The following MALRD1 variants were observed in gnomAD, a reference collection of about 807,000 sequenced individuals.
MALRD1 encodes the protein MAM and LDL-receptor class A domain-containing protein 1.
In MALRD1, 247 loss-of-function variants were observed where a neutral mutation model predicts 242.1. The ratio of observed to expected loss-of-function variants is 1.02; its 90% CI spans 0.92 to 1.13. MALRD1 has a LOEUF of 1.13. MALRD1 is among the 50% of genes most tolerant of loss of function. The probability of loss-of-function intolerance (pLI) is 0.00; values close to 1 mark genes in which losing one functional copy is unlikely to be tolerated. For synonymous variants in MALRD1, 995 were observed against 866.6 expected (o/e 1.15, Z -2.60); for missense variants, 2,989 against 2,533.1 (o/e 1.18, Z -3.86).
chr10:19,069,451 A>G (rs1489207570), intron 2 of MALRD1, among the ~76,000 whole-genome samples: 1 of 151,970 alleles, frequency 6.6e-6, no homozygotes, highest in Non-Finnish European at 1.5e-5. Flanking sequence ...ATTTAAAAGA[A>G]GATATTCTTT....
intron 36 of MALRD1, among the ~76,000 whole-genome samples, chr10:19,690,357 T>C (rs924318777): frequency 2.0e-5 from 3 of 152,076 alleles, no homozygotes; most frequent in African/African-American, 7.2e-5. Flanking sequence ...TAGTAGTATA[T>C]ATTTCCATAG....
At chr10:19,529,970 C>G (rs1392634876) in intron 31 of MALRD1, among the ~76,000 whole-genome samples, 1 of 151,956 alleles carries the variant, frequency 6.6e-6, no homozygotes, top group East Asian at 1.9e-4. Context: ...TTGTAGACAT[C>G]AGTTCTTCCC....
At chr10:19,545,685 C>A (rs1474926044) in intron 32 of MALRD1, among the ~76,000 whole-genome samples, 1 of 152,064 alleles carries the variant, frequency 6.6e-6, no homozygotes, top group Non-Finnish European at 1.5e-5. Context: ...CATTCGTCAC[C>A]TTAGGGAGAT....
At position 19,583,641 on chromosome 10, in the gene MALRD1, G is replaced by C. The variant is rs1035471824; in HGVS notation, c.5681-11553G>C. Among the ~76,000 whole-genome samples the C allele has an allele frequency of 2.4e-3, 359 of 152,204 alleles. 2 individuals carry two copies. The highest frequency in any genetic ancestry group is 7.0e-3 in the African/African-American group (292 of 41,512). On this transcript the variant is annotated intron_variant, in intron 33 of 39. Coordinates refer to ENST00000454679, the MANE Select transcript of MALRD1 (RefSeq NM_001142308.3). ...TTCGGTTTGCCAGTATTTTATTGAG[G>C]ATTTTTGCATCAATGTTCATCAAGG...
At chr10:19,294,173 A>G (rs939305735) in intron 21 of MALRD1, among the ~76,000 whole-genome samples, 3 of 152,230 alleles carry the variant, frequency 2.0e-5, no homozygotes, top group African/African-American at 7.2e-5. Flanking sequence ...ATTCATTTTC[A>G]TTATATAATC....
chr10:19,177,945 TCA>T (rs936466008), intron 14 of MALRD1, among the ~76,000 whole-genome samples: 2 of 152,170 alleles, frequency 1.3e-5, no homozygotes, highest in Admixed American at 6.5e-5. Flanking sequence ...TGACCAGCGC[TCA>T]CAAAGAAAGG....
chr10:19,284,669 G>A (rs1351175109), intron 21 of MALRD1, among the ~76,000 whole-genome samples: 1 of 135,312 alleles, frequency 7.4e-6, no homozygotes, highest in Non-Finnish European at 1.6e-5. Context: ...CATTTGGGTT[G>A]GTTCCAAGTC....
chr10:19,266,322 T>C (rs1839974952), intron 19 of MALRD1, among the ~76,000 whole-genome samples: 1 of 151,936 alleles, frequency 6.6e-6, no homozygotes, highest in African/African-American at 2.4e-5. Context: ...CATTGTGATT[T>C]GATGATTTTT....
chr10:19,123,505 G>T lies in MALRD1; in HGVS notation c.708G>T (p.Leu236=). 8.1e-7 allele frequency: 1 copy of T among 1,233,230 alleles called. No individual in the cohort carries two copies. Among genetic ancestry groups the T allele is most frequent in the African/African-American group, 1.5e-5 (1 of 64,556 alleles). The allele number at this position is 1,233,230 out of a possible 1,614,324, so 76.4% of individuals were successfully genotyped here. The part of the protein sequence containing the change: ...GCLPANDGIL[L]CQEALNAERE... ...TAAATTTAACAGATGGAATTTTACTGTGTCAAGAAGCATTGAATGCTGAGC... is the reference window on the plus strand; with the variant it reads ...TAAATTTAACAGATGGAATTTTACTTTGTCAAGAAGCATTGAATGCTGAGC... The change falls in exon 6 of 40, where the codon CTG becomes CTT. Residue 236 remains leucine (L), a synonymous_variant. Transcript: ENST00000454679.
chr10:19,594,550 A>C (rs779979683), intron 33 of MALRD1, among the ~76,000 whole-genome samples: 4 of 152,214 alleles, frequency 2.6e-5, no homozygotes, highest in Non-Finnish European at 5.9e-5. Flanking sequence ...TTATAGCAGC[A>C]CAATTCACAG....
chr10:19,422,681 C>T (rs1194814872), intron 28 of MALRD1, among the ~76,000 whole-genome samples: 1 of 152,138 alleles, frequency 6.6e-6, no homozygotes, highest in African/African-American at 2.4e-5. Flanking sequence ...TATATTATAT[C>T]ATTTTCTAAG....
intron 31 of MALRD1, among the ~76,000 whole-genome samples, chr10:19,501,583 C>T (rs1350747125): frequency 1.3e-5 from 2 of 152,010 alleles, no homozygotes; most frequent in Non-Finnish European, 2.9e-5. Context: ...CAACTAGTAC[C>T]CCCTTATTGT....
At chr10:19,592,692 T>A (rs1171957315) in intron 33 of MALRD1, among the ~76,000 whole-genome samples, 1 of 151,408 alleles carries the variant, frequency 6.6e-6, no homozygotes, top group East Asian at 2.0e-4. Context: ...GGAGAAAATT[T>A]TATTTTTGCA....
chr10:19,511,504 C>A (rs146898931), intron 31 of MALRD1, among the ~76,000 whole-genome samples: 1 of 152,148 alleles, frequency 6.6e-6, no homozygotes. Flanking sequence ...CTACAAAATG[C>A]CAAACTATTT....
chr10:19,121,314 A>G (rs990400341), intron 5 of MALRD1, among the ~76,000 whole-genome samples: 3 of 152,166 alleles, frequency 2.0e-5, no homozygotes, highest in Non-Finnish European at 2.9e-5. Context: ...TGCTGGGATT[A>G]CAGTTGTGAG....
chr10:19,408,050 T>G (rs148644433), intron 28 of MALRD1, among the ~76,000 whole-genome samples: 1 of 152,112 alleles, frequency 6.6e-6, no homozygotes, highest in African/African-American at 2.4e-5. Flanking sequence ...TATTATATTA[T>G]GGGTAACATC....
intron 32 of MALRD1, among the ~76,000 whole-genome samples, chr10:19,541,616 C>G (rs1468517566): frequency 6.6e-6 from 1 of 152,046 alleles, no homozygotes; most frequent in Admixed American, 6.5e-5. Flanking sequence ...ATATTTTAAT[C>G]TAATATGTTT....
chr10:19,084,347 T>G (rs1432679077), intron 2 of MALRD1, among the ~76,000 whole-genome samples: 1 of 152,004 alleles, frequency 6.6e-6, no homozygotes, highest in East Asian at 1.9e-4. Context: ...TTCATATTTC[T>G]ATAAGTTTTG....
In MALRD1 at chr10:19,088,053, G is replaced by C. The variant is rs890301289; in HGVS notation, c.465G>C (p.Val155=). ...QITFYYFSCQ[V]SGKLMVGLQT... ...CATTTTATTACTTCTCCTGCCAAGT[G>C]AGTGGCAAATTAATGGTTGGGCTTC... Residue 155 remains valine, a synonymous_variant, in exon 4 of 40, where the codon GTG becomes GTC. Coordinates refer to ENST00000454679, the MANE Select transcript of MALRD1 (RefSeq NM_001142308.3). 2 of 1,233,386 alleles carry C rather than the reference G, an allele frequency of 1.6e-6. No homozygotes were observed. Among genetic ancestry groups the C allele is most frequent in the African/African-American group, 3.1e-5 (2 of 64,444 alleles). The allele number at this position is 1,233,386 out of a possible 1,614,324, so 76.4% of individuals were successfully genotyped here.
Sources: gnomAD v4.1 joint callset for allele counts (sites outside exome capture counted in the v4.1 genomes callset) on GRCh38, gnomAD v4.1.1 for gene constraint, MANE v1.5 for transcripts, NCBI Gene and HGNC (gene_info 2026-07-23, HGNC 2026-07-21) for gene names.